The following ZNF385D variants were observed in gnomAD, a reference collection of about 807,000 sequenced individuals.
ZNF385D encodes zinc finger protein 385D.
Under a neutral mutation model 35.8 loss-of-function variants are expected in ZNF385D, and 15 were observed. The observed-to-expected ratio is 0.42, with a 90% CI of 0.28 to 0.64. The LOEUF (loss-of-function observed/expected upper bound fraction) is 0.64, where lower values mean the gene tolerates loss of function less well. Among genes scored for constraint, ZNF385D ranks in the 30% least tolerant of loss-of-function variants. The pLI is 0.23. For missense variants in ZNF385D, 474 were observed against 494.6 expected (o/e 0.96, Z 0.39); for synonymous variants, 212 against 186.8 (o/e 1.13, Z -1.10).
chr3:22,194,507 C>T (rs796590940), intron 2 of ZNF385D, among the ~76,000 whole-genome samples: 4 of 151,826 alleles, frequency 2.6e-5, no homozygotes, highest in Admixed American at 2.6e-4. Flanking sequence ...CTTCTTTAAT[C>T]CACTGCTTTT....
chr3:21,550,590 C>T (rs1422217490), intron 3 of ZNF385D, among the ~76,000 whole-genome samples: 3 of 152,260 alleles, frequency 2.0e-5, no homozygotes, highest in East Asian at 1.9e-4. Flanking sequence ...TCAAGTGATT[C>T]TCCCGCCTCA....
intron 2 of ZNF385D, among the ~76,000 whole-genome samples, chr3:22,191,020 T>C (rs146032025): frequency 2.0e-5 from 3 of 152,250 alleles, no homozygotes; most frequent in African/African-American, 7.2e-5. Context: ...CGTGTGTTTT[T>C]AAAGAAATTG....
At chr3:21,560,745 A>T (rs2062913675) in intron 3 of ZNF385D, among the ~76,000 whole-genome samples, 1 of 152,152 alleles carries the variant, frequency 6.6e-6, no homozygotes, top group Non-Finnish European at 1.5e-5. Context: ...CTGCGCCTAT[A>T]GCTGCCTCTT....
chr3:21,884,674 G>A (rs944658718), intron 3 of ZNF385D, among the ~76,000 whole-genome samples: 3 of 151,974 alleles, frequency 2.0e-5, no homozygotes, highest in African/African-American at 7.2e-5. Flanking sequence ...GTTCTCTAAA[G>A]TTTATTTGTG....
At chr3:21,995,655 T>A (rs1285999850) in intron 3 of ZNF385D, among the ~76,000 whole-genome samples, 2 of 151,738 alleles carry the variant, frequency 1.3e-5, no homozygotes, top group African/African-American at 4.8e-5. Flanking sequence ...TCCATCCCCA[T>A]ACCCCCAAAT....
chr3:21,695,081 G>A (rs4488861), intron 1 of ZNF385D, among the ~76,000 whole-genome samples: 64,237 of 151,910 alleles, frequency 0.42, 14,489 homozygotes, highest in Middle Eastern at 0.53. Context: ...TAAGGTATGT[G>A]AAGTGCCTGA....
intron 2 of ZNF385D, among the ~76,000 whole-genome samples, chr3:22,178,797 A>C (rs895471845): frequency 3.3e-5 from 5 of 152,326 alleles, no homozygotes; most frequent in African/African-American, 9.6e-5. Flanking sequence ...TCAGCTTTCT[A>C]CATATGGCTA....
At chr3:21,747,430 T>A (rs896659382) in intron 1 of ZNF385D, among the ~76,000 whole-genome samples, 1 of 152,206 alleles carries the variant, frequency 6.6e-6, no homozygotes, top group Non-Finnish European at 1.5e-5. Flanking sequence ...AGCTTCCTGA[T>A]ATGCAGCCAC....
At chr3:22,151,384 G>A (rs959542203) in intron 3 of ZNF385D, among the ~76,000 whole-genome samples, 6 of 152,134 alleles carry the variant, frequency 3.9e-5, no homozygotes, top group Non-Finnish European at 7.4e-5. Context: ...AAGAAAGACA[G>A]CTTTTGGCCT....
At chr3:21,847,200 T>C (rs1696064171) in intron 3 of ZNF385D, among the ~76,000 whole-genome samples, 1 of 151,186 alleles carries the variant, frequency 6.6e-6, no homozygotes, top group African/African-American at 2.5e-5. Context: ...ATTTTATGAG[T>C]CATGGTACCA....
chr3:22,008,114 T>G, intron 3 of ZNF385D, among the ~76,000 whole-genome samples: 1 of 152,058 alleles, frequency 6.6e-6, no homozygotes, highest in South Asian at 2.1e-4. Context: ...AGTTGACCCT[T>G]TATTATTATT....
chr3:21,895,522 G>C (rs1169473322), intron 3 of ZNF385D, among the ~76,000 whole-genome samples: 3 of 140,150 alleles, frequency 2.1e-5, no homozygotes, highest in Non-Finnish European at 4.6e-5. Flanking sequence ...TGTATTTTAA[G>C]TTGAGATGGG....
At chr3:22,257,081 A>T (rs1243510312) in intron 2 of ZNF385D, among the ~76,000 whole-genome samples, 1 of 151,864 alleles carries the variant, frequency 6.6e-6, no homozygotes, top group Non-Finnish European at 1.5e-5. Flanking sequence ...CTTCAAGATC[A>T]TACAGAAGGC....
chr3:22,339,185 C>T (rs1354871006), intron 2 of ZNF385D, among the ~76,000 whole-genome samples: 1 of 152,146 alleles, frequency 6.6e-6, no homozygotes, highest in Non-Finnish European at 1.5e-5. Context: ...TTTGTCACAA[C>T]TTAAAACATT....
intron 3 of ZNF385D, among the ~76,000 whole-genome samples, chr3:21,879,542 G>C (rs1698165861): frequency 6.6e-6 from 1 of 151,958 alleles, no homozygotes; most frequent in Non-Finnish European, 1.5e-5. Flanking sequence ...TCAAAGGCAG[G>C]AAGCTATTAA....
chr3:21,771,902 T>C (rs1305154767), intron 3 of ZNF385D, among the ~76,000 whole-genome samples: 4 of 151,900 alleles, frequency 2.6e-5, no homozygotes, highest in Non-Finnish European at 4.4e-5. Context: ...TGGAATAGAA[T>C]AGAAAGCCCA....
At chr3:22,347,949 C>G (rs1018923356) in intron 2 of ZNF385D, among the ~76,000 whole-genome samples, 1 of 152,092 alleles carries the variant, frequency 6.6e-6, no homozygotes, top group East Asian at 1.9e-4. Context: ...ATTGCTTTTT[C>G]TTGTTTCACC....
At chr3:21,751,515 G>A, upstream of ZNF385D, 3 of 895,596 alleles carry the variant, frequency 3.3e-6, no homozygotes, top group Non-Finnish European at 4.0e-6. Flanking sequence ...TCCTGTGAAT[G>A]CCACCATTCT....
intron 2 of ZNF385D, among the ~76,000 whole-genome samples, chr3:22,230,290 T>TA (rs1289766175): frequency 2.0e-5 from 3 of 152,142 alleles, no homozygotes; most frequent in Admixed American, 6.5e-5. Context: ...ATTTATCCTA[T>TA]AAAAAAAGAA....
Sources: allele counts gnomAD v4.1 joint callset (sites outside exome capture counted in the v4.1 genomes callset), GRCh38; gene constraint gnomAD v4.1.1; transcripts MANE v1.5; gene names NCBI Gene and HGNC (gene_info 2026-07-23, HGNC 2026-07-21).